The following SLC2A9 variants were observed in gnomAD, a reference collection of about 807,000 sequenced individuals.
SLC2A9 encodes the protein solute carrier family 2, facilitated glucose transporter member 9.
Under a neutral mutation model 50.6 loss-of-function variants are expected in SLC2A9, and 39 were observed. That is an observed-to-expected ratio of 0.77 (90% CI 0.60 to 1.01). The LOEUF is 1.01. Ranked by LOEUF, SLC2A9 falls within the 50% of genes least tolerant of loss-of-function variation. SLC2A9 has a pLI of 0.00. For missense variants in SLC2A9, 686 were observed against 677.6 expected, an observed-to-expected ratio of 1.01 and a Z score of -0.14; for synonymous variants, 324 against 276.9, an observed-to-expected ratio of 1.17 and a Z score of -1.69.
intron 5 of SLC2A9, among the ~76,000 whole-genome samples, chr4:9,949,915 CA>C (rs902272796): frequency 5.3e-5 from 8 of 152,152 alleles, no homozygotes; most frequent in Non-Finnish European, 8.8e-5. Context: ...TGGGGCCTCA[CA>C]GGGAAATAGT....
At chr4:9,991,242 A>G (rs1033771849) in intron 3 of SLC2A9, among the ~76,000 whole-genome samples, 3 of 152,120 alleles carry the variant, frequency 2.0e-5, no homozygotes, top group African/African-American at 7.2e-5. Context: ...CCCTTCCTCC[A>G]CAAGCCATGT....
intron 6 of SLC2A9, among the ~76,000 whole-genome samples, chr4:9,939,729 T>A (rs1747774779): frequency 6.6e-6 from 1 of 152,108 alleles, no homozygotes; most frequent in Non-Finnish European, 1.5e-5. Context: ...CATTAGTGGG[T>A]GTTTCTGTCC....
chr4:9,856,479 G>C (rs1730728192), intron 10 of SLC2A9, among the ~76,000 whole-genome samples: 1 of 152,200 alleles, frequency 6.6e-6, no homozygotes. Context: ...ATGCTGGCAA[G>C]GTTGCAGAGA....
At position 9,832,185 on chromosome 4, in the gene SLC2A9, G is replaced by A. The variant is rs114532436; in HGVS notation, c.1419+2696C>T. On this transcript the variant is annotated intron_variant, in intron 11 of 11. Transcript: ENST00000264784. ...GGGAGGTAGGTCAGAAATGGTTCACGTATGGCATCTAGAACACATACACGT... is the reference window on the plus strand; with the variant it reads ...GGGAGGTAGGTCAGAAATGGTTCACATATGGCATCTAGAACACATACACGT... Among the ~76,000 whole-genome samples, 900 of 152,286 alleles carry A rather than the reference G, an allele frequency of 5.9e-3. 9 individuals are homozygous for A. Among genetic ancestry groups the A allele is most frequent in the Non-Finnish European group, 0.01 (681 of 68,016 alleles).
intron 7 of SLC2A9, among the ~76,000 whole-genome samples, chr4:9,917,777 G>A (rs150788575): frequency 1.3e-3 from 194 of 152,338 alleles, no homozygotes; most frequent in African/African-American, 4.5e-3. Context: ...AGTGTCTGGA[G>A]CCATTTTTGG....
intron 10 of SLC2A9, among the ~76,000 whole-genome samples, chr4:9,866,481 T>C (rs1242623265): frequency 1.1e-4 from 16 of 147,426 alleles, no homozygotes; most frequent in Admixed American, 1.1e-3. Flanking sequence ...CCTGCTCTCT[T>C]AGTTTTCCTT....
intron 10 of SLC2A9, among the ~76,000 whole-genome samples, chr4:9,882,169 C>T (rs73807609): frequency 2.6e-5 from 4 of 152,216 alleles, no homozygotes; most frequent in Admixed American, 2.0e-4. Flanking sequence ...AAAAGTATTT[C>T]TTTCCACATA....
Position 9,772,829 on chromosome 4 carries a change from T to TTA in SLC2A9, n.182-1461_182-1460insTA, listed in dbSNP as rs1553861459. ...TGCCATTTTATTTTTTTTTTTATTT[T>TTA]TTTTTTATTATACTCTAAGTTTTAG... On this transcript the variant is annotated intron_variant and non_coding_transcript_variant, in intron 1 of 1. Coordinates refer to the SLC2A9 transcript ENST00000508585. Among the ~76,000 whole-genome samples the TTA allele has an allele frequency of 6.5e-3, 986 of 151,606 alleles. 14 individuals are homozygous for TTA. The highest frequency in any genetic ancestry group is 0.023 in the African/African-American group (934 of 41,336).
intron 8 of SLC2A9, among the ~76,000 whole-genome samples, chr4:9,907,450 A>G (rs1740891361): frequency 6.6e-6 from 1 of 152,226 alleles, no homozygotes; most frequent in African/African-American, 2.4e-5. Context: ...GAGGTTGAGA[A>G]ACAGTGAGGA....
intron 3 of SLC2A9, among the ~76,000 whole-genome samples, chr4:9,814,810 A>T (rs1238943545): frequency 6.6e-6 from 1 of 152,088 alleles, no homozygotes; most frequent in Non-Finnish European, 1.5e-5. Flanking sequence ...TCAGTGGTAA[A>T]AGAAAGTTGC....
intron 6 of SLC2A9, among the ~76,000 whole-genome samples, chr4:9,939,001 C>T (rs1034880457): frequency 3.9e-5 from 6 of 152,180 alleles, no homozygotes; most frequent in African/African-American, 7.2e-5. Flanking sequence ...GGCCTCCCTA[C>T]GTTTATGTCC....
chr4:9,831,587 T>G (rs571359169), intron 11 of SLC2A9, among the ~76,000 whole-genome samples: 4 of 152,164 alleles, frequency 2.6e-5, no homozygotes, highest in Non-Finnish European at 5.9e-5. Context: ...ACACTGTACA[T>G]GCACTCTTGC....
chr4:9,996,795 T>C lies in SLC2A9; in HGVS notation c.396A>G (p.Gly132=). Reference sequence around the variant, plus strand: ...CTCCTACTGACCTCCCAAGAACCTTTCCAATCATCTTCACAATTAACGTCC... The same window carrying C: ...CTCCTACTGACCTCCCAAGAACCTTCCCAATCATCTTCACAATTAACGTCC... The part of the protein sequence containing the change: ...LVGTLIVKMI[G]KVLGRKHTLL... Residue 132 remains glycine, a synonymous_variant, in exon 3 of 12, where the codon GGA becomes GGG. Transcript: ENST00000264784. The C allele has an allele frequency of 6.2e-7, 1 of 1,613,904 alleles. No individual in the cohort carries two copies. Among genetic ancestry groups the C allele is most frequent in the South Asian group, 1.1e-5 (1 of 91,068 alleles).
intron 7 of SLC2A9, among the ~76,000 whole-genome samples, chr4:9,915,803 C>T (rs1742753732): frequency 6.6e-6 from 1 of 152,210 alleles, no homozygotes; most frequent in Admixed American, 6.5e-5. Context: ...TTTATGATTA[C>T]AGAGCATTTT....
At chr4:9,920,667 C>T in intron 6 of SLC2A9, 95 bp from the exon 7 acceptor site, 1 of 1,444,640 alleles carries the variant, frequency 6.9e-7, no homozygotes, top group African/African-American at 1.4e-5. Flanking sequence ...ACCTCCTAGC[C>T]ACACACCTTA....
intron 7 of SLC2A9, among the ~76,000 whole-genome samples, chr4:9,914,462 C>T (rs981571017): frequency 6.6e-6 from 1 of 152,204 alleles, no homozygotes; most frequent in Non-Finnish European, 1.5e-5. Context: ...GACTCTCCCA[C>T]ATCTCTCACT....
intron 8 of SLC2A9, among the ~76,000 whole-genome samples, chr4:9,899,313 T>C (rs1288495300): frequency 6.6e-6 from 1 of 152,226 alleles, no homozygotes; most frequent in Non-Finnish European, 1.5e-5. Context: ...GAGCAGAGAA[T>C]GGTGTGATTA....
intron 2 of SLC2A9, among the ~76,000 whole-genome samples, chr4:10,007,687 A>G (rs1404126864): frequency 6.6e-6 from 1 of 152,224 alleles, no homozygotes; most frequent in African/African-American, 2.4e-5. Context: ...TACAGGGAAC[A>G]GTGCATTTTC....
intron 8 of SLC2A9, among the ~76,000 whole-genome samples, chr4:9,905,797 C>T (rs899468310): frequency 1.3e-5 from 2 of 152,120 alleles, no homozygotes; most frequent in African/African-American, 4.8e-5. Context: ...ATGATGTGAG[C>T]ATTCATGAGG....
Sources: allele counts gnomAD v4.1 joint callset (sites outside exome capture counted in the v4.1 genomes callset), GRCh38; gene constraint gnomAD v4.1.1; transcripts MANE v1.5; gene names NCBI Gene and HGNC (gene_info 2026-07-23, HGNC 2026-07-21).